The following ATP2B4 variants were observed in gnomAD, a reference collection of about 807,000 sequenced individuals.
The protein encoded by ATP2B4 is plasma membrane calcium-transporting ATPase 4.
A neutral mutation model predicts 110.3 loss-of-function variants in ATP2B4; 39 were observed. That is an observed-to-expected ratio of 0.35 (90% CI 0.27 to 0.46). The LOEUF (loss-of-function observed/expected upper bound fraction) is 0.46. Ranked by LOEUF, ATP2B4 falls within the 20% of genes least tolerant of loss-of-function variation. ATP2B4 has a pLI of 1.00. For synonymous variants in ATP2B4, 538 were observed against 571.7 expected (o/e 0.94, Z 0.84); for missense variants, 1,135 against 1,530.9 (o/e 0.74, Z 4.32).
chr1:203,670,209 A>T (rs1571703455), intron 1 of ATP2B4, among the ~76,000 whole-genome samples: 1 of 136,766 alleles, frequency 7.3e-6, no homozygotes, highest in African/African-American at 3.2e-5. Context: ...ATTGAGTCTC[A>T]CTGTGTCACC....
intron 2 of ATP2B4, among the ~76,000 whole-genome samples, chr1:203,692,706 A>C (rs1665419144): frequency 6.6e-6 from 1 of 152,158 alleles, no homozygotes; most frequent in Non-Finnish European, 1.5e-5. Flanking sequence ...TGGTTCTGAT[A>C]AGTAGTGCCT....
At chr1:203,690,437 T>A (rs1231915233) in intron 2 of ATP2B4, among the ~76,000 whole-genome samples, 1 of 152,190 alleles carries the variant, frequency 6.6e-6, no homozygotes, top group Non-Finnish European at 1.5e-5. Context: ...TTTTCCTCAC[T>A]CTAACAGATG....
chr1:203,628,543 G>A (rs951944847), intron 1 of ATP2B4, among the ~76,000 whole-genome samples: 1 of 152,176 alleles, frequency 6.6e-6, no homozygotes, highest in Non-Finnish European at 1.5e-5. Flanking sequence ...GGAAAGGAGT[G>A]GGGGAGGGAA....
chr1:203,719,333 T>C (rs1666253691), intron 15 of ATP2B4, among the ~76,000 whole-genome samples: 1 of 152,052 alleles, frequency 6.6e-6, no homozygotes, highest in Non-Finnish European at 1.5e-5. Context: ...TCATTGCCTT[T>C]GCCTTGCTGC....
chr1:203,717,867 C>G (rs1280771877), intron 15 of ATP2B4, among the ~76,000 whole-genome samples: 1 of 152,004 alleles, frequency 6.6e-6, no homozygotes, highest in African/African-American at 2.4e-5. Flanking sequence ...TGGTCTCAAA[C>G]TCCTGACCGC....
At position 203,660,397 on chromosome 1, in the gene ATP2B4, G is replaced by A. The variant is rs557066885; in HGVS notation, c.-464-22345G>A. ...GAAGATCGTGAGAATGCACGCCATT[G>A]GGGTGAGAATGTATCACTTGGGGTG... On this transcript the variant is annotated intron_variant, in intron 1 of 20. Transcript: ENST00000357681. Among the ~76,000 whole-genome samples, 12 of 152,240 alleles carry A rather than the reference G, an allele frequency of 7.9e-5. No individual in the cohort carries two copies. In the South Asian group the frequency reaches 1.7e-3, roughly 21 times the overall value.
rs1666957838 is a variant in ATP2B4, at chr1:203,739,721, T to A, written c.3485T>A (p.Phe1162Tyr). The A allele has an allele frequency of 6.2e-7, 1 of 1,614,018 alleles. No homozygotes were observed. Among genetic ancestry groups the A allele is most frequent in the African/African-American group, 1.3e-5 (1 of 74,918 alleles). Residue 1162 changes from phenylalanine (F) to tyrosine (Y), a missense_variant, in exon 21 of 21, where the codon TTT (phenylalanine) becomes TAT (tyrosine). Around this residue, in one of 9 missense-constraint regions of ATP2B4, gnomAD observed 92 missense variants for 82.5 expected, o/e 1.11. Coordinates refer to ENST00000357681, the MANE Select transcript of ATP2B4 (RefSeq NM_001684.5). ...EEENPDKASK[F>Y]GTRVLLLDGE... is the part of the protein sequence containing the mutation. ...GAAAATCCTGACAAGGCTTCTAAGT[T>A]TGGGACTAGGGTGCTCCTGTTGGAT...
chr1:203,672,705 A>G (rs1664710868), intron 1 of ATP2B4, among the ~76,000 whole-genome samples: 1 of 152,106 alleles, frequency 6.6e-6, no homozygotes, highest in African/African-American at 2.4e-5. Flanking sequence ...CAAAGTGAGC[A>G]GCGAATGTCT....
At chr1:203,707,817 G>A (rs1665893225) in intron 9 of ATP2B4, 45 bp from the exon 10 acceptor site, 3 of 1,606,802 alleles carry the variant, frequency 1.9e-6, no homozygotes, top group East Asian at 2.2e-5. Context: ...ATTTAGGAGA[G>A]TCCAGTTAGT....
At chr1:203,700,660 C>T (rs556820729) in intron 5 of ATP2B4, 138 bp from the exon 6 acceptor site, 7 of 1,249,466 alleles carry the variant, frequency 5.6e-6, no homozygotes, top group African/African-American at 4.5e-5. Flanking sequence ...CAGCTCTTGA[C>T]CTTTTCCTAC....
rs149796081 is a variant in ATP2B4 at position 203,709,143 on chromosome 1, C to T, written c.1558-158C>T. Among the ~76,000 whole-genome samples the T allele has an allele frequency of 3.6e-3, 545 of 151,914 alleles. 7 individuals are homozygous for T. Among genetic ancestry groups the T allele is most frequent in the East Asian group, 0.032 (163 of 5,156 alleles). The stretch of plus-strand genomic sequence containing the variant: ...CTGCACTCCAGGCTGGGCAACAGAG[C>T]GAGACTCCATCTCCAAAAAAGAAAA... On this transcript the variant is annotated intron_variant, in intron 10 of 20. Coordinates refer to ENST00000357681, the MANE Select transcript of ATP2B4 (RefSeq NM_001684.5).
intron 1 of ATP2B4, among the ~76,000 whole-genome samples, chr1:203,649,198 T>G (rs1663901739): frequency 6.6e-6 from 1 of 152,146 alleles, no homozygotes; most frequent in East Asian, 1.9e-4. Context: ...TTGAGTAGGG[T>G]GGCTTCTCTC....
At chr1:203,698,067 C>A in intron 2 of ATP2B4, 90 bp from the exon 3 acceptor site, 1 of 1,116,706 alleles carries the variant, frequency 9.0e-7, no homozygotes, top group Non-Finnish European at 1.3e-6. Flanking sequence ...AGTGTAATGA[C>A]ATGATCATGG....
At chr1:203,653,983 ATATTTT>A (rs1363537434) in intron 1 of ATP2B4, among the ~76,000 whole-genome samples, 12 of 14,634 alleles carry the variant, frequency 8.2e-4, no homozygotes, top group Non-Finnish European at 1.6e-3. Context: ...ATATATATAT[ATATTTT>A]TTTTTTTTTT....
intron 1 of ATP2B4, among the ~76,000 whole-genome samples, chr1:203,634,113 G>A (rs189118079): frequency 3.5e-4 from 53 of 152,272 alleles, no homozygotes; most frequent in Non-Finnish European, 6.9e-4. Context: ...TGTATGGGGT[G>A]TAATGTGATG....
chr1:203,739,451 G>A (rs769883896), intron 20 of ATP2B4, 95 bp from the exon 21 acceptor site: 4 of 1,285,402 alleles, frequency 3.1e-6, no homozygotes, highest in Admixed American at 4.4e-5. Context: ...TATAGTCTGG[G>A]TTTTGTTTCT....
intron 18 of ATP2B4, among the ~76,000 whole-genome samples, chr1:203,723,051 A>G (rs10494845): frequency 0.25 from 38,545 of 151,968 alleles, 5,221 homozygotes; most frequent in Admixed American, 0.39. Flanking sequence ...ATGCACATCT[A>G]GTATAGACTC....
At chr1:203,630,951 G>A (rs1663249907) in intron 1 of ATP2B4, among the ~76,000 whole-genome samples, 1 of 152,150 alleles carries the variant, frequency 6.6e-6, no homozygotes, top group African/African-American at 2.4e-5. Context: ...ATCTCTCCTT[G>A]TGTCCTCTTT....
chr1:203,728,495 CT>C, intron 20 of ATP2B4, among the ~76,000 whole-genome samples: 1 of 152,310 alleles, frequency 6.6e-6, no homozygotes, highest in African/African-American at 2.4e-5. Context: ...GTATTTCTCT[CT>C]GCTGATTGGC....
Sources: gnomAD v4.1 joint callset for allele counts (sites outside exome capture counted in the v4.1 genomes callset) on GRCh38, gnomAD v4.1.1 for gene constraint, gnomAD v4.1.1 regional missense constraint, MANE v1.5 for transcripts, NCBI Gene and HGNC (gene_info 2026-07-23, HGNC 2026-07-21) for gene names.